The following PTPRD variants were observed in gnomAD, a reference collection of about 807,000 sequenced individuals.
PTPRD encodes protein tyrosine phosphatase receptor type D.
A neutral mutation model predicts 214.5 loss-of-function variants in PTPRD; 34 were observed. The observed-to-expected ratio is 0.16, with a 90% CI of 0.12 to 0.21. The LOEUF (loss-of-function observed/expected upper bound fraction) is 0.21. Among genes scored for constraint, PTPRD ranks in the 10% least tolerant of loss-of-function variants. The pLI is 1.00. For synonymous variants in PTPRD, 1,128 were observed against 845.7 expected (o/e 1.33, Z -5.79); for missense variants, 2,545 against 2,398.7 (o/e 1.06, Z -1.27).
intron 12 of PTPRD, among the ~76,000 whole-genome samples, chr9:8,675,762 C>A (rs2097398370): frequency 6.6e-6 from 1 of 152,088 alleles, no homozygotes; most frequent in African/African-American, 2.4e-5. Context: ...CTGCCGTCCC[C>A]ACTCTGATTC....
intron 11 of PTPRD, among the ~76,000 whole-genome samples, chr9:8,982,980 T>G (rs533252280): frequency 6.6e-6 from 1 of 152,072 alleles, no homozygotes; most frequent in African/African-American, 2.4e-5. Context: ...AAGTGGATCA[T>G]CAATTAACCT....
rs565098885 is a variant in PTPRD, at chr9:9,234,410, C to T, written c.-202-51047G>A. Among the ~76,000 whole-genome samples, 12 of 152,274 alleles carry T rather than the reference C, an allele frequency of 7.9e-5. No homozygotes were observed. The South Asian group carries it at 2.1e-3, about 26-fold the overall frequency. On this transcript the variant is annotated intron_variant, in intron 9 of 45. Coordinates refer to ENST00000381196, the MANE Select transcript of PTPRD (RefSeq NM_002839.4). The stretch of plus-strand genomic sequence containing the variant: ...AGGCTTCCAGGTCTGTGGACAGGGA[C>T]TGCTGTGAAGGTCTTTAACATGCCC...
chr9:10,343,978 GTTTTTTTTTTTTTTT>G (rs139613939), intron 2 of PTPRD, among the ~76,000 whole-genome samples: 8 of 31,670 alleles, frequency 2.5e-4, no homozygotes, highest in Non-Finnish European at 4.8e-4. Flanking sequence ...TCTGATGGTA[GTTTTTTTTTTTTTTT>G]TTTTTTTTTT....
At chr9:9,535,843 T>C (rs56826637) in intron 8 of PTPRD, among the ~76,000 whole-genome samples, 27,493 of 152,006 alleles carry the variant, frequency 0.18, 2,732 homozygotes, top group Middle Eastern at 0.22. Flanking sequence ...GGGGTGTGTG[T>C]GTACACACAG....
chr9:8,351,051 A>T (rs1289787042), intron 39 of PTPRD, among the ~76,000 whole-genome samples: 1 of 152,194 alleles, frequency 6.6e-6, no homozygotes, highest in Non-Finnish European at 1.5e-5. Flanking sequence ...GTAGCAAGTT[A>T]ACTTAGTAAA....
intron 22 of PTPRD, among the ~76,000 whole-genome samples, chr9:8,505,079 G>GA (rs1346160562): frequency 1.3e-5 from 2 of 151,794 alleles, no homozygotes; most frequent in African/African-American, 4.8e-5. Flanking sequence ...CCCACAGCCA[G>GA]AAAAAAAATA....
At chr9:9,352,794 A>G (rs977379682) in intron 9 of PTPRD, among the ~76,000 whole-genome samples, 6 of 152,024 alleles carry the variant, frequency 3.9e-5, no homozygotes, top group African/African-American at 1.4e-4. Flanking sequence ...AATGTCTGGA[A>G]GAAGATTCTC....
chr9:9,526,222 AT>A (rs1277656138), intron 8 of PTPRD, among the ~76,000 whole-genome samples: 2 of 152,200 alleles, frequency 1.3e-5, no homozygotes, highest in Admixed American at 6.5e-5. Context: ...AAAAACCACA[AT>A]TAATGTATGC....
intron 5 of PTPRD, among the ~76,000 whole-genome samples, chr9:9,919,914 T>C (rs1162487576): frequency 6.6e-6 from 1 of 152,178 alleles, no homozygotes; most frequent in Non-Finnish European, 1.5e-5. Flanking sequence ...CAGTATTTCA[T>C]AAATGCAGTA....
At chr9:9,550,543 T>C (rs2079953639) in intron 8 of PTPRD, among the ~76,000 whole-genome samples, 1 of 149,016 alleles carries the variant, frequency 6.7e-6, no homozygotes. Context: ...TAGTATAGCA[T>C]ATATATATTA....
At chr9:10,314,424 T>C (rs190743860) in intron 3 of PTPRD, among the ~76,000 whole-genome samples, 4 of 152,022 alleles carry the variant, frequency 2.6e-5, no homozygotes, top group African/African-American at 9.6e-5. Context: ...AAAAGAAATA[T>C]AGCAGGAACA....
intron 3 of PTPRD, among the ~76,000 whole-genome samples, chr9:10,328,613 G>A (rs925836758): frequency 6.6e-6 from 1 of 151,728 alleles, no homozygotes; most frequent in Admixed American, 6.6e-5. Flanking sequence ...TGAATGACTT[G>A]CTGGAGGTAA....
chr9:9,855,738 T>C (rs997785302), intron 5 of PTPRD, among the ~76,000 whole-genome samples: 2 of 152,286 alleles, frequency 1.3e-5, no homozygotes, highest in African/African-American at 2.4e-5. Context: ...CGAACACTTT[T>C]GGGAGCTGGG....
chr9:10,269,271 A>T (rs531150409), intron 3 of PTPRD, among the ~76,000 whole-genome samples: 1 of 152,240 alleles, frequency 6.6e-6, no homozygotes, highest in South Asian at 2.1e-4. Flanking sequence ...TATTTGATCC[A>T]CGTAAGAGGA....
At chr9:9,785,997 A>G (rs2098920512) in intron 5 of PTPRD, among the ~76,000 whole-genome samples, 1 of 152,204 alleles carries the variant, frequency 6.6e-6, no homozygotes, top group South Asian at 2.1e-4. Flanking sequence ...TAATGTTATA[A>G]TTATTCACTA....
intron 8 of PTPRD, among the ~76,000 whole-genome samples, chr9:9,542,567 CT>C (rs1462089648): frequency 6.6e-6 from 1 of 151,536 alleles, no homozygotes; most frequent in Non-Finnish European, 1.5e-5. Flanking sequence ...GTATTTATAT[CT>C]AACATAGGTC....
chr9:10,333,836 A>C (rs775239343), intron 3 of PTPRD, among the ~76,000 whole-genome samples: 2 of 151,960 alleles, frequency 1.3e-5, no homozygotes. Flanking sequence ...TAGCTCCTGC[A>C]TCTATGCACT....
intron 10 of PTPRD, among the ~76,000 whole-genome samples, chr9:9,145,174 C>T (rs1569552808): frequency 6.6e-6 from 1 of 152,158 alleles, no homozygotes; most frequent in Non-Finnish European, 1.5e-5. Context: ...CAAAATCTAT[C>T]TTGGCCACTG....
At chr9:9,336,812 T>C (rs2044683632) in intron 9 of PTPRD, among the ~76,000 whole-genome samples, 1 of 152,174 alleles carries the variant, frequency 6.6e-6, no homozygotes. Flanking sequence ...GATTATTAAA[T>C]TATTTGACTT....
Sources: allele counts gnomAD v4.1 joint callset (sites outside exome capture counted in the v4.1 genomes callset), GRCh38; gene constraint gnomAD v4.1.1; transcripts MANE v1.5; gene names NCBI Gene and HGNC (gene_info 2026-07-23, HGNC 2026-07-21).